Variants in RAB28 observed in about 807,000 individuals in gnomAD.
RAB28 encodes the protein ras-related protein Rab-28.
Under a neutral mutation model 31.7 loss-of-function variants are expected in RAB28, and 24 were observed. That is an observed-to-expected ratio of 0.76 (90% CI 0.55 to 1.06). The LOEUF is 1.06. RAB28 is among the 50% of genes least tolerant of loss of function. The pLI is 0.00. For missense variants in RAB28, 254 were observed against 258.5 expected (o/e 0.98, Z 0.12); for synonymous variants, 100 against 90.4 (o/e 1.11, Z -0.60).
At chr4:13,471,647 G>A (rs192711491) in intron 3 of RAB28, among the ~76,000 whole-genome samples, 1 of 152,028 alleles carries the variant, frequency 6.6e-6, no homozygotes, top group African/African-American at 2.4e-5. Context: ...GACTACAGGT[G>A]CCTGCCACCA....
At chr4:13,423,975 C>G (rs1336206150) in intron 4 of RAB28, among the ~76,000 whole-genome samples, 3 of 151,690 alleles carry the variant, frequency 2.0e-5, no homozygotes, top group African/African-American at 7.3e-5. Context: ...AAAACTATAC[C>G]AAGACTAGTA....
chr4:13,401,687 C>CT (rs911634992), intron 4 of RAB28, among the ~76,000 whole-genome samples: 1 of 152,058 alleles, frequency 6.6e-6, no homozygotes, highest in Non-Finnish European at 1.5e-5. Context: ...TATGTTCTCT[C>CT]TTTTTTTATT....
At chr4:13,448,991 G>T (rs190918696) in intron 4 of RAB28, among the ~76,000 whole-genome samples, 291 of 152,026 alleles carry the variant, frequency 1.9e-3, no homozygotes, top group African/African-American at 6.7e-3. Flanking sequence ...GATACTTTGG[G>T]ATTAGTATTA....
intron 4 of RAB28, among the ~76,000 whole-genome samples, chr4:13,437,283 C>A (rs143858538): frequency 2.8e-3 from 419 of 152,112 alleles, no homozygotes; most frequent in African/African-American, 9.6e-3. Context: ...ATAGGTAAAA[C>A]CCTCCTGAAC....
chr4:13,452,975 C>T (rs1250444774), intron 4 of RAB28, among the ~76,000 whole-genome samples: 1 of 150,474 alleles, frequency 6.6e-6, no homozygotes, highest in African/African-American at 2.5e-5. Flanking sequence ...TATATATTTA[C>T]AATTGTTATG....
chr4:13,460,384 T>G (rs907957333), intron 4 of RAB28, among the ~76,000 whole-genome samples: 1 of 152,166 alleles, frequency 6.6e-6, no homozygotes, highest in Non-Finnish European at 1.5e-5. Context: ...TCCCATTCTC[T>G]TTTTTAATTA....
At chr4:13,470,202 T>C (rs541204614) in intron 3 of RAB28, among the ~76,000 whole-genome samples, 28 of 152,240 alleles carry the variant, frequency 1.8e-4, no homozygotes, top group Admixed American at 1.4e-3. Flanking sequence ...TCTGCTTTAG[T>C]TATTTAGTTA....
intron 4 of RAB28, among the ~76,000 whole-genome samples, chr4:13,450,860 G>A (rs1378563959): frequency 3.3e-5 from 5 of 151,746 alleles, no homozygotes; most frequent in African/African-American, 9.7e-5. Context: ...AATTTGGAAT[G>A]TTTTGGAAAC....
At chr4:13,471,586 C>A (rs147484118) in intron 3 of RAB28, among the ~76,000 whole-genome samples, 185 of 152,056 alleles carry the variant, frequency 1.2e-3, no homozygotes, top group African/African-American at 4.3e-3. Flanking sequence ...ACTCCAGCCC[C>A]AAACTCCTGG....
At chr4:13,386,571 G>A (rs1032634478) in intron 4 of RAB28, among the ~76,000 whole-genome samples, 5 of 152,046 alleles carry the variant, frequency 3.3e-5, no homozygotes, top group Non-Finnish European at 5.9e-5. Context: ...TCACACACTA[G>A]TCAGAATGGA....
intron 1 of RAB28, among the ~76,000 whole-genome samples, chr4:13,480,014 G>T (rs576619445): frequency 1.3e-5 from 2 of 151,604 alleles, no homozygotes; most frequent in African/African-American, 2.4e-5. Flanking sequence ...GAAAAGCACC[G>T]TATGTAATTT....
chr4:13,400,048 A>G (rs760656193), intron 4 of RAB28, among the ~76,000 whole-genome samples: 40 of 152,140 alleles, frequency 2.6e-4, no homozygotes, highest in Non-Finnish European at 5.7e-4. Context: ...ATTTTTGTGC[A>G]TGGTAATATC....
At chr4:13,410,584 A>G (rs564618617) in intron 4 of RAB28, among the ~76,000 whole-genome samples, 2 of 152,346 alleles carry the variant, frequency 1.3e-5, no homozygotes, top group African/African-American at 4.8e-5. Flanking sequence ...AATAAATTTT[A>G]AAAGCCTTAT....
intron 4 of RAB28, among the ~76,000 whole-genome samples, chr4:13,405,389 C>A (rs926844590): frequency 6.6e-6 from 1 of 152,046 alleles, no homozygotes; most frequent in Admixed American, 6.6e-5. Flanking sequence ...AAGCTGTCAG[C>A]CTATAAGAAA....
intron 4 of RAB28, among the ~76,000 whole-genome samples, chr4:13,397,235 T>C (rs6831594): frequency 0.023 from 3,463 of 152,208 alleles, 144 homozygotes; most frequent in African/African-American, 0.078. Flanking sequence ...ACATAAATAA[T>C]TGCATTTATA....
intron 4 of RAB28, among the ~76,000 whole-genome samples, chr4:13,415,363 G>A (rs542255342): frequency 9.1e-4 from 139 of 152,288 alleles, no homozygotes; most frequent in Non-Finnish European, 1.3e-3. Context: ...GGCTGAGGCC[G>A]GAGCCGGCTC....
intron 4 of RAB28, among the ~76,000 whole-genome samples, chr4:13,388,463 G>A (rs192641827): frequency 3.0e-4 from 45 of 152,130 alleles, no homozygotes; most frequent in Admixed American, 2.7e-3. Context: ...GGACTTGGTG[G>A]TGATTTCTTG....
In RAB28 at chr4:13,460,681, C is replaced by T. The variant is rs571622900; in HGVS notation, c.391+18G>A. 9.9e-6 allele frequency: 16 copies of T among 1,613,568 alleles called. No individual in the cohort carries two copies. Among genetic ancestry groups the T allele is most frequent in the Non-Finnish European group, 1.4e-5 (16 of 1,179,740 alleles). ...GCAAGTAAACTGTACCATACATAAA[C>T]AAGCAGTAATAACTTACTTTTATTG... On this transcript the variant is annotated intron_variant, in intron 4 of 6. Transcript: ENST00000330852.
intron 2 of RAB28, among the ~76,000 whole-genome samples, chr4:13,475,003 T>C (rs965947255): frequency 4.0e-5 from 6 of 151,698 alleles, no homozygotes; most frequent in African/African-American, 1.4e-4. Flanking sequence ...ACGCATTTGA[T>C]AGCCCTATTC....
Sources: allele counts gnomAD v4.1 joint callset (sites outside exome capture counted in the v4.1 genomes callset), GRCh38; gene constraint gnomAD v4.1.1; transcripts MANE v1.5; gene names NCBI Gene and HGNC (gene_info 2026-07-23, HGNC 2026-07-21).